Variants in TSPAN18 observed in about 807,000 individuals in gnomAD.
The protein encoded by TSPAN18 is tetraspanin 18.
In TSPAN18, 14 loss-of-function variants were observed where a neutral mutation model predicts 27.3. That is an observed-to-expected ratio of 0.51 (90% CI 0.34 to 0.80). The LOEUF is 0.80. TSPAN18 is among the 30% of genes least tolerant of loss of function. The probability of loss-of-function intolerance (pLI) is 0.01; values close to 1 mark genes in which losing one functional copy is unlikely to be tolerated. For synonymous variants in TSPAN18, 143 were observed against 136.5 expected, an observed-to-expected ratio of 1.05 and a Z score of -0.33; for missense variants, 268 against 323.9, an observed-to-expected ratio of 0.83 and a Z score of 1.32.
At chr11:44,824,638 C>T (rs532987335) in intron 2 of TSPAN18, among the ~76,000 whole-genome samples, 2 of 152,338 alleles carry the variant, frequency 1.3e-5, no homozygotes, top group South Asian at 4.1e-4. Flanking sequence ...AAGCCAGGGG[C>T]CCACGGGCCT....
chr11:44,845,458 G>C (rs1052904499), intron 2 of TSPAN18, among the ~76,000 whole-genome samples: 4 of 152,196 alleles, frequency 2.6e-5, no homozygotes, highest in South Asian at 2.1e-4. Context: ...GGGCCCTGCA[G>C]GGAATACACC....
At chr11:44,782,645 C>A (rs1043882376) in intron 2 of TSPAN18, among the ~76,000 whole-genome samples, 1 of 152,060 alleles carries the variant, frequency 6.6e-6, no homozygotes, top group African/African-American at 2.4e-5. Context: ...ACTAGAGTTC[C>A]AGTTTCTCCA....
At chr11:44,888,645 T>A (rs1858741398) in intron 3 of TSPAN18, among the ~76,000 whole-genome samples, 2 of 152,118 alleles carry the variant, frequency 1.3e-5, no homozygotes. Context: ...AGTACCTAGG[T>A]TGGAAGCCTT....
intron 2 of TSPAN18, among the ~76,000 whole-genome samples, chr11:44,821,808 G>C (rs1856934502): frequency 6.6e-6 from 1 of 152,206 alleles, no homozygotes; most frequent in South Asian, 2.1e-4. Context: ...ATCCCTCAAG[G>C]TAGTAGAAAG....
At chr11:44,788,698 C>T (rs750913364) in intron 2 of TSPAN18, among the ~76,000 whole-genome samples, 1 of 152,138 alleles carries the variant, frequency 6.6e-6, no homozygotes, top group African/African-American at 2.4e-5. Context: ...CTCCCCGCCT[C>T]GGCCTCCCAA....
At chr11:44,850,464 C>T (rs537330448) in intron 2 of TSPAN18, among the ~76,000 whole-genome samples, 1 of 152,250 alleles carries the variant, frequency 6.6e-6, no homozygotes, top group South Asian at 2.1e-4. Context: ...AAGGTCCCTG[C>T]TGGCCGGAGG....
chr11:44,929,476 G>C lies in TSPAN18; in HGVS notation c.*298G>C, dbSNP rs1021417114. The C allele has an allele frequency of 7.2e-6, 3 of 417,108 alleles. No individual in the cohort carries two copies. Among genetic ancestry groups the C allele is most frequent in the African/African-American group, 6.1e-5 (3 of 49,396 alleles). The allele number at this position is 417,108 out of a possible 1,614,324, so 25.8% of individuals were successfully genotyped here. On this transcript the variant is annotated 3_prime_UTR_variant, in exon 10 of 10. Transcript: ENST00000520358. ...AGAGACCAAAGGAACACCAGGCCCA[G>C]CGCCCTCTTTGGTCCAGCCAGACCC...
At chr11:44,913,093 C>T (rs1167407497) in intron 5 of TSPAN18, among the ~76,000 whole-genome samples, 1 of 152,238 alleles carries the variant, frequency 6.6e-6, no homozygotes, top group Non-Finnish European at 1.5e-5. Context: ...GGGCATGGAG[C>T]CTCACCCCTG....
chr11:44,880,418 C>T (rs78237945), intron 3 of TSPAN18, among the ~76,000 whole-genome samples: 28,438 of 152,184 alleles, frequency 0.19, 3,541 homozygotes, highest in Non-Finnish European at 0.28. Flanking sequence ...CTGGGACTCC[C>T]TCTCCTCATC....
intron 3 of TSPAN18, among the ~76,000 whole-genome samples, chr11:44,891,864 C>G (rs186446523): frequency 6.6e-6 from 1 of 152,148 alleles, no homozygotes; most frequent in Non-Finnish European, 1.5e-5. Flanking sequence ...AGGATGCTCA[C>G]TAAATGGGAA....
intron 3 of TSPAN18, among the ~76,000 whole-genome samples, chr11:44,884,868 CAG>C (rs1352628687): frequency 6.6e-6 from 1 of 152,226 alleles, no homozygotes; most frequent in Non-Finnish European, 1.5e-5. Flanking sequence ...CCCCACACAA[CAG>C]AGGGAAAAAC....
At chr11:44,823,906 C>G (rs757234503) in intron 2 of TSPAN18, among the ~76,000 whole-genome samples, 4 of 152,140 alleles carry the variant, frequency 2.6e-5, no homozygotes, top group Non-Finnish European at 4.4e-5. Flanking sequence ...AGGCCCCCCT[C>G]TCGGAACTGG....
chr11:44,883,211 G>C (rs545570545), intron 3 of TSPAN18, among the ~76,000 whole-genome samples: 4 of 152,142 alleles, frequency 2.6e-5, no homozygotes, highest in African/African-American at 9.7e-5. Context: ...TGCAAGCCAC[G>C]GATTGGGCTA....
chr11:44,818,824 T>A (rs116355971), intron 2 of TSPAN18, among the ~76,000 whole-genome samples: 4,741 of 151,774 alleles, frequency 0.031, 265 homozygotes, highest in African/African-American at 0.11. Flanking sequence ...AAGGGGGGAG[T>A]CCTGGCTGGG....
intron 3 of TSPAN18, among the ~76,000 whole-genome samples, chr11:44,904,794 T>C (rs1859395356): frequency 6.6e-6 from 1 of 151,970 alleles, no homozygotes; most frequent in African/African-American, 2.4e-5. Context: ...GAGGAGAGTG[T>C]TGGATTGTGG....
chr11:44,817,696 G>C (rs1856843098), intron 2 of TSPAN18, among the ~76,000 whole-genome samples: 1 of 152,236 alleles, frequency 6.6e-6, no homozygotes. Flanking sequence ...ACCCATGTGA[G>C]GCTATAGCAA....
At chr11:44,926,502 C>A (rs981846507) in intron 8 of TSPAN18, 172 bp from the exon 9 acceptor site, 8 of 647,652 alleles carry the variant, frequency 1.2e-5, no homozygotes, top group Non-Finnish European at 2.2e-5. Context: ...TGCCAAGTCG[C>A]TGTTTCTGGG....
At chr11:44,748,914 A>G (rs1855145135) in intron 1 of TSPAN18, among the ~76,000 whole-genome samples, 1 of 152,240 alleles carries the variant, frequency 6.6e-6, no homozygotes, top group South Asian at 2.1e-4. Context: ...TTGAGAGCGT[A>G]CCACATTGTG....
intron 1 of TSPAN18, among the ~76,000 whole-genome samples, chr11:44,756,918 C>T (rs1289073683): frequency 2.6e-5 from 4 of 152,216 alleles, no homozygotes; most frequent in Admixed American, 2.0e-4. Flanking sequence ...TCTTTTCCTA[C>T]TGTCTTGTTC....
Sources: gnomAD v4.1 joint callset for allele counts (sites outside exome capture counted in the v4.1 genomes callset) on GRCh38, gnomAD v4.1.1 for gene constraint, MANE v1.5 for transcripts, NCBI Gene and HGNC (gene_info 2026-07-23, HGNC 2026-07-21) for gene names.